The following DEPTOR variants were observed in gnomAD, a reference collection of about 807,000 sequenced individuals.
The protein encoded by DEPTOR is DEP domain containing MTOR interacting protein.
A neutral mutation model predicts 41.6 loss-of-function variants in DEPTOR; 41 were observed. The ratio of observed to expected loss-of-function variants is 0.98; its 90% confidence interval spans 0.77 to 1.28. DEPTOR has a LOEUF of 1.28. DEPTOR is among the 50% of genes most tolerant of loss of function. The pLI, the probability that DEPTOR is intolerant of heterozygous loss-of-function variation, is 0.00. For missense variants in DEPTOR, 514 were observed against 527.9 expected (o/e 0.97, Z 0.26); for synonymous variants, 195 against 192.3 (o/e 1.01, Z -0.12).
At chr8:120,030,497 GTTTTTTTTTTTT>G (rs1171655489) in intron 8 of DEPTOR, among the ~76,000 whole-genome samples, 103 of 46,220 alleles carry the variant, frequency 2.2e-3, no homozygotes, top group South Asian at 3.6e-3. Flanking sequence ...AGGTTCATCA[GTTTTTTTTTTTT>G]TTTTTTTTTT....
At chr8:119,923,887 TTCTTTC>T (rs1434613596) in intron 1 of DEPTOR, among the ~76,000 whole-genome samples, 5 of 82,100 alleles carry the variant, frequency 6.1e-5, no homozygotes, top group African/African-American at 1.1e-4. Context: ...CTTTTCTTTT[TTCTTTC>T]TTTTTTTTTT....
intron 8 of DEPTOR, among the ~76,000 whole-genome samples, chr8:120,026,160 G>A (rs542937354): frequency 6.2e-4 from 93 of 150,474 alleles, no homozygotes; most frequent in Non-Finnish European, 1.2e-3. Context: ...CTATTTTTTT[G>A]TGTTTTTAAT....
chr8:119,967,207 T>C (rs1257811315), intron 4 of DEPTOR, among the ~76,000 whole-genome samples: 1 of 151,840 alleles, frequency 6.6e-6, no homozygotes, highest in Non-Finnish European at 1.5e-5. Context: ...GCCTTCCGAG[T>C]TGCTGAGATT....
chr8:119,937,211 C>T (rs912471932), intron 3 of DEPTOR, among the ~76,000 whole-genome samples: 2 of 151,964 alleles, frequency 1.3e-5, no homozygotes, highest in African/African-American at 2.4e-5. Context: ...ACTAGCCTGA[C>T]CAATATGGTG....
chr8:119,921,747 A>ATTTTT (rs1827896534), intron 1 of DEPTOR, among the ~76,000 whole-genome samples: 1 of 132,442 alleles, frequency 7.6e-6, no homozygotes, highest in African/African-American at 3.0e-5. Flanking sequence ...TCTATTCTGT[A>ATTTTT]GTTTTTTTTT....
At chr8:119,977,870 G>A (rs540862207) in intron 4 of DEPTOR, among the ~76,000 whole-genome samples, 2 of 151,804 alleles carry the variant, frequency 1.3e-5, no homozygotes, top group African/African-American at 4.8e-5. Flanking sequence ...TATTGCCCAG[G>A]CTGATCTTGA....
chr8:119,955,403 T>C (rs1828405427), intron 3 of DEPTOR, among the ~76,000 whole-genome samples: 1 of 152,212 alleles, frequency 6.6e-6, no homozygotes, highest in African/African-American at 2.4e-5. Flanking sequence ...CTTTCAAACA[T>C]AGGAGTTTTA....
chr8:119,923,893 C>CTTTTCTTTT (rs1554673843), intron 1 of DEPTOR, among the ~76,000 whole-genome samples: 6,489 of 104,824 alleles, frequency 0.062, 225 homozygotes, highest in South Asian at 0.17. Flanking sequence ...TTTTTTCTTT[C>CTTTTCTTTT]TTTTTTTTTT....
chr8:119,988,777 C>G (rs1276889648), intron 4 of DEPTOR, among the ~76,000 whole-genome samples: 2 of 152,152 alleles, frequency 1.3e-5, no homozygotes, highest in Admixed American at 6.6e-5. Flanking sequence ...ACCACCGTGT[C>G]CGGCCTACTA....
intron 4 of DEPTOR, among the ~76,000 whole-genome samples, chr8:119,994,776 G>A (rs1812231051): frequency 2.0e-5 from 3 of 151,894 alleles, no homozygotes; most frequent in Admixed American, 2.0e-4. Context: ...AATTAGCCGG[G>A]CATGGTGGTG....
In DEPTOR at chr8:120,002,286, C is replaced by T. The variant is rs546921844; in HGVS notation, c.790+576C>T. 1.2e-3 allele frequency among the ~76,000 whole-genome samples: 188 copies of T among 150,734 alleles called. 1 individual carries two copies. The highest frequency in any genetic ancestry group is 2.1e-3 in the Non-Finnish European group (145 of 67,916). On this transcript the variant is annotated intron_variant, in intron 5 of 8. Coordinates refer to ENST00000286234, the MANE Select transcript of DEPTOR (RefSeq NM_022783.4). ...TCCCAAGTAGCTGGGACTACAGGCA[C>T]GTGTCACCATGCCTGGCTCATTTTT...
intron 1 of DEPTOR, among the ~76,000 whole-genome samples, chr8:119,926,346 A>G (rs967321545): frequency 1.3e-5 from 2 of 152,184 alleles, no homozygotes; most frequent in East Asian, 3.9e-4. Context: ...CTAAGGACTC[A>G]AAGTGTCTTC....
At chr8:120,017,391 T>G (rs1000685333) in intron 8 of DEPTOR, among the ~76,000 whole-genome samples, 1 of 152,180 alleles carries the variant, frequency 6.6e-6, no homozygotes, top group Admixed American at 6.6e-5. Context: ...TTGTATTATT[T>G]CAAAAAATGC....
chr8:120,018,351 G>A (rs946025171), intron 8 of DEPTOR, among the ~76,000 whole-genome samples: 3 of 152,192 alleles, frequency 2.0e-5, no homozygotes, highest in Non-Finnish European at 4.4e-5. Context: ...GCCGAGGCAG[G>A]CGGATCACCT....
intron 4 of DEPTOR, among the ~76,000 whole-genome samples, chr8:119,986,644 C>A (rs559950643): frequency 1.2e-4 from 19 of 152,116 alleles, no homozygotes; most frequent in Admixed American, 1.0e-3. Context: ...TTCCATTCTC[C>A]CTGTCACTTT....
intron 4 of DEPTOR, among the ~76,000 whole-genome samples, chr8:119,976,259 C>T (rs115940960): frequency 0.013 from 1,986 of 152,162 alleles, 41 homozygotes; most frequent in African/African-American, 0.045. Context: ...ACAGATGGCA[C>T]CCTGTGTCTT....
chr8:119,907,752 C>T (rs1186509026), intron 1 of DEPTOR, among the ~76,000 whole-genome samples: 1 of 151,546 alleles, frequency 6.6e-6, no homozygotes, highest in African/African-American at 2.4e-5. Context: ...TGCACTCTGG[C>T]CTGGCAACAG....
At chr8:119,975,820 C>T (rs1161353624) in intron 4 of DEPTOR, among the ~76,000 whole-genome samples, 3 of 151,564 alleles carry the variant, frequency 2.0e-5, no homozygotes, top group East Asian at 3.9e-4. Context: ...CTTGCCCACC[C>T]GCCCTTCCTC....
intron 6 of DEPTOR, among the ~76,000 whole-genome samples, chr8:120,003,915 T>A: frequency 6.6e-6 from 1 of 152,302 alleles, no homozygotes; most frequent in East Asian, 1.9e-4. Flanking sequence ...CTTGCCAGGA[T>A]GAGGATGTGT....
Sources: gnomAD v4.1 joint callset for allele counts (sites outside exome capture counted in the v4.1 genomes callset) on GRCh38, gnomAD v4.1.1 for gene constraint, MANE v1.5 for transcripts, NCBI Gene and HGNC (gene_info 2026-07-23, HGNC 2026-07-21) for gene names.